The following DTNB variants were observed in gnomAD, a reference collection of about 807,000 sequenced individuals.
The protein encoded by DTNB is DTN-B.
In DTNB, 63 loss-of-function variants were observed where a neutral mutation model predicts 90.7. The ratio of observed to expected loss-of-function variants is 0.69; its 90% CI spans 0.57 to 0.86. DTNB has a LOEUF of 0.86. Among genes scored for constraint, DTNB ranks in the 40% least tolerant of loss-of-function variants. The pLI is 0.00. For synonymous variants in DTNB, 277 were observed against 286.7 expected, an observed-to-expected ratio of 0.97 and a Z score of 0.34; for missense variants, 744 against 807.1, an observed-to-expected ratio of 0.92 and a Z score of 0.95.
intron 6 of DTNB, among the ~76,000 whole-genome samples, chr2:25,582,662 T>G (rs1338773661): frequency 2.0e-5 from 3 of 152,126 alleles, no homozygotes; most frequent in Non-Finnish European, 4.4e-5. Flanking sequence ...GCAAAAGGGC[T>G]GACAGAATGA....
At chr2:25,503,574 C>T (rs2071420346) in intron 9 of DTNB, among the ~76,000 whole-genome samples, 1 of 152,074 alleles carries the variant, frequency 6.6e-6, no homozygotes, top group African/African-American at 2.4e-5. Context: ...ATCAATATTA[C>T]AAAATTCAAT....
chr2:25,540,396 T>A (rs1409759270), intron 8 of DTNB, among the ~76,000 whole-genome samples: 1 of 152,244 alleles, frequency 6.6e-6, no homozygotes, highest in Non-Finnish European at 1.5e-5. Flanking sequence ...TAAACATATT[T>A]TGTATACAGC....
At chr2:25,397,778 G>A (rs2042766676) in intron 16 of DTNB, among the ~76,000 whole-genome samples, 1 of 150,948 alleles carries the variant, frequency 6.6e-6, no homozygotes, top group Admixed American at 6.6e-5. Context: ...TACTCAGAAG[G>A]CTGACGCAGG....
intron 16 of DTNB, among the ~76,000 whole-genome samples, chr2:25,392,247 G>GA (rs2041321663): frequency 6.6e-6 from 1 of 151,818 alleles, no homozygotes; most frequent in Non-Finnish European, 1.5e-5. Flanking sequence ...CATCTCCACT[G>GA]AAAAAAACAA....
chr2:25,611,182 C>T (rs940919203), intron 4 of DTNB, among the ~76,000 whole-genome samples: 1 of 152,216 alleles, frequency 6.6e-6, no homozygotes, highest in African/African-American at 2.4e-5. Context: ...TGCTATGCAG[C>T]ATTCTGTTGT....
At chr2:25,621,363 T>C (rs980699747) in intron 4 of DTNB, among the ~76,000 whole-genome samples, 2 of 152,210 alleles carry the variant, frequency 1.3e-5, no homozygotes, top group African/African-American at 4.8e-5. Context: ...TGCTTTGTTT[T>C]GTATTGTTTT....
At chr2:25,527,628 G>A (rs187713679) in intron 9 of DTNB, among the ~76,000 whole-genome samples, 3 of 151,970 alleles carry the variant, frequency 2.0e-5, no homozygotes, top group East Asian at 1.9e-4. Context: ...TATTATGAAC[G>A]TTGTATCAAT....
intron 4 of DTNB, among the ~76,000 whole-genome samples, chr2:25,617,768 C>T (rs886442097): frequency 1.3e-5 from 2 of 152,058 alleles, no homozygotes; most frequent in Admixed American, 6.5e-5. Context: ...GTTCCAGCTA[C>T]ATGGGAGGCT....
At chr2:25,632,767 A>T (rs1360509630) in intron 3 of DTNB, among the ~76,000 whole-genome samples, 1 of 152,208 alleles carries the variant, frequency 6.6e-6, no homozygotes, top group Non-Finnish European at 1.5e-5. Flanking sequence ...TTTCTTTTTA[A>T]ATCACCCAGT....
rs188290828 is a variant in DTNB, at chr2:25,605,604, T to C, written c.448+1632A>G. ...GTGAGCTGGCTCTATGTAAATATAGTAGACTTTAAAGAAATTTAAAGATTC... is the reference window on the plus strand; with the variant it reads ...GTGAGCTGGCTCTATGTAAATATAGCAGACTTTAAAGAAATTTAAAGATTC... On this transcript the variant is annotated intron_variant, in intron 5 of 20. Coordinates refer to ENST00000406818, the MANE Select transcript of DTNB (RefSeq NM_021907.5). Among the ~76,000 whole-genome samples the C allele has an allele frequency of 3.0e-4, 46 of 152,358 alleles. 1 individual carries two copies. The East Asian group carries it at 5.8e-3, about 19-fold the overall frequency.
chr2:25,377,772 C>T (rs2149475206), intron 20 of DTNB, among the ~76,000 whole-genome samples: 1 of 152,252 alleles, frequency 6.6e-6, no homozygotes, highest in African/African-American at 2.4e-5. Context: ...GTTCACAATG[C>T]AAGGTTTGAA....
intron 10 of DTNB, among the ~76,000 whole-genome samples, chr2:25,472,222 C>T (rs777544526): frequency 2.6e-5 from 4 of 152,148 alleles, no homozygotes; most frequent in African/African-American, 4.8e-5. Flanking sequence ...CCAGACGCTG[C>T]GGCTCACAGA....
intron 3 of DTNB, among the ~76,000 whole-genome samples, chr2:25,631,183 C>T (rs72852648): frequency 0.16 from 24,686 of 152,066 alleles, 2,637 homozygotes; most frequent in East Asian, 0.59. Context: ...AGACTGTACA[C>T]TCTAAAAGGG....
At chr2:25,514,211 A>C (rs2074531676) in intron 9 of DTNB, among the ~76,000 whole-genome samples, 1 of 152,184 alleles carries the variant, frequency 6.6e-6, no homozygotes, top group Non-Finnish European at 1.5e-5. Context: ...ACATTTAAGG[A>C]GAGATCTGAA....
intron 16 of DTNB, among the ~76,000 whole-genome samples, chr2:25,397,973 G>A (rs1350717697): frequency 8.6e-5 from 13 of 152,004 alleles, no homozygotes. Flanking sequence ...CATATGGCGA[G>A]GACTCAGGAA....
At chr2:25,617,195 A>T (rs964455773) in intron 4 of DTNB, among the ~76,000 whole-genome samples, 2 of 152,174 alleles carry the variant, frequency 1.3e-5, no homozygotes, top group Middle Eastern at 3.2e-3. Context: ...GGGTCAGGGG[A>T]TATGCACCAA....
intron 1 of DTNB, among the ~76,000 whole-genome samples, chr2:25,663,232 G>A (rs1021302475): frequency 6.6e-6 from 1 of 152,116 alleles, no homozygotes; most frequent in Non-Finnish European, 1.5e-5. Context: ...TCCCTGCAAG[G>A]ACATGAACTC....
At chr2:25,453,281 T>G (rs114674335) in intron 11 of DTNB, among the ~76,000 whole-genome samples, 173 of 152,356 alleles carry the variant, frequency 1.1e-3, no homozygotes, top group Non-Finnish European at 2.2e-3. Flanking sequence ...TAATTGGCTA[T>G]GTTTTCTAGC....
intron 1 of DTNB, among the ~76,000 whole-genome samples, chr2:25,666,478 TA>T (rs1312973750): frequency 3.1e-4 from 25 of 81,404 alleles, no homozygotes; most frequent in Admixed American, 2.9e-3. Flanking sequence ...TGCCCATTAT[TA>T]TACTTATTCT....
Sources: gnomAD v4.1 joint callset for allele counts (sites outside exome capture counted in the v4.1 genomes callset) on GRCh38, gnomAD v4.1.1 for gene constraint, MANE v1.5 for transcripts, NCBI Gene and HGNC (gene_info 2026-07-23, HGNC 2026-07-21) for gene names.